MYOCD: variants seen among roughly 807,000 people sequenced by gnomAD.
MYOCD encodes the protein myocardin.
In MYOCD, 32 loss-of-function variants were observed where a neutral mutation model predicts 96.1. The ratio of observed to expected loss-of-function variants is 0.33; its 90% CI spans 0.25 to 0.45. The LOEUF is 0.45. MYOCD is among the 20% of genes least tolerant of loss of function. MYOCD has a pLI of 1.00. For synonymous variants in MYOCD, 469 were observed against 469.0 expected, an observed-to-expected ratio of 1.00 and a Z score of 0.00; for missense variants, 1,133 against 1,200.6, an observed-to-expected ratio of 0.94 and a Z score of 0.83.
Position 12,756,432 on chromosome 17 carries a change from G to A in MYOCD, c.2077G>A (p.Gly693Ser). The A allele has an allele frequency of 6.4e-7, 1 of 1,552,078 alleles. No homozygotes were observed. The highest frequency in any genetic ancestry group is 1.2e-5 in the South Asian group (1 of 84,048). Residue 693 changes from glycine to serine, a missense_variant, in exon 11 of 14, where the codon GGC (glycine) becomes AGC (serine). Transcript: ENST00000425538. Reference sequence around the variant, plus strand: ...TTTGCAGAACTCAGGAGCACACGATGGCCATCCTCCAAGCTTCTCTCCCCA... The same window carrying A: ...TTTGCAGAACTCAGGAGCACACGATAGCCATCCTCCAAGCTTCTCTCCCCA... ...CTAQNSGAHD[G>S]HPPSFSPHSS...
At chr17:12,721,224 C>G (rs2031829308) in intron 4 of MYOCD, among the ~76,000 whole-genome samples, 1 of 151,972 alleles carries the variant, frequency 6.6e-6, no homozygotes, top group South Asian at 2.1e-4. Context: ...GTGAACTGCA[C>G]CAACCCCCAG....
chr17:12,682,152 A>T (rs1016149412), intron 1 of MYOCD, among the ~76,000 whole-genome samples: 4 of 152,140 alleles, frequency 2.6e-5, no homozygotes, highest in Non-Finnish European at 5.9e-5. Flanking sequence ...GGGAAATTCG[A>T]TGCTTCTGTA....
intron 2 of MYOCD, 34 bp from the exon 3 acceptor site, chr17:12,715,485 A>G (rs1567584083): frequency 6.2e-7 from 1 of 1,603,832 alleles, no homozygotes. Context: ...CCCTTAACCC[A>G]GCCTCCACTC....
chr17:12,707,736 A>G (rs1191688654), intron 2 of MYOCD, among the ~76,000 whole-genome samples: 1 of 151,802 alleles, frequency 6.6e-6, no homozygotes, highest in African/African-American at 2.4e-5. Context: ...TAAATAAGTA[A>G]ATAAAAATTA....
chr17:12,754,080 G>A (rs56972740), intron 10 of MYOCD, among the ~76,000 whole-genome samples: 34,528 of 151,092 alleles, frequency 0.23, 4,369 homozygotes, highest in South Asian at 0.33. Context: ...GTGTGTATGT[G>A]TGTGTGTGTG....
intron 4 of MYOCD, among the ~76,000 whole-genome samples, chr17:12,722,368 T>TTTA (rs941230036): frequency 5.6e-4 from 85 of 152,342 alleles, no homozygotes; most frequent in African/African-American, 2.0e-3. Context: ...ATTTTTTTTC[T>TTTA]TTCGCAACTG....
intron 2 of MYOCD, among the ~76,000 whole-genome samples, chr17:12,709,505 G>A (rs190295352): frequency 6.6e-6 from 1 of 152,320 alleles, no homozygotes; most frequent in Admixed American, 6.5e-5. Context: ...CAGACCAGGT[G>A]CATTTACAAT....
chr17:12,700,399 ATTTTTTTTTTTTTT>A (rs952565560), intron 1 of MYOCD, among the ~76,000 whole-genome samples: 2 of 76,892 alleles, frequency 2.6e-5, no homozygotes, highest in African/African-American at 1.2e-4. Context: ...CAATGGGAGA[ATTTTTTTTTTTTTT>A]TTTTTTTTTT....
rs575453849 is a variant in MYOCD, at chr17:12,749,502, C to A, written c.1126-2912C>A. Among the ~76,000 whole-genome samples, 105 of 150,014 alleles carry A rather than the reference C, an allele frequency of 7.0e-4. 1 individual carries two copies. Among genetic ancestry groups the A allele is most frequent in the Non-Finnish European group, 9.7e-4 (66 of 67,780 alleles). ...TGAGATCGCACCACTACACTCCAGC[C>A]TGGGTGACAGAGCGAGACTCTGTCT... On this transcript the variant is annotated intron_variant, in intron 9 of 13. Coordinates refer to ENST00000425538, the MANE Select transcript of MYOCD (RefSeq NM_001146312.3).
At chr17:12,705,487 A>G (rs1039201830) in intron 2 of MYOCD, 2 of 253,562 alleles carry the variant, frequency 7.9e-6, no homozygotes, top group African/African-American at 4.4e-5. Flanking sequence ...TACTTTTAAA[A>G]TTGGATATAA....
In MYOCD at chr17:12,666,024, T is replaced by C. The variant is rs1309131889; in HGVS notation, c.-165T>C. 1 of 554,202 alleles carries C rather than the reference T, an allele frequency of 1.8e-6. No individual in the cohort carries two copies. Among genetic ancestry groups the C allele is most frequent in the Non-Finnish European group, 3.2e-6 (1 of 310,700 alleles). The allele number at this position is 554,202 out of a possible 1,614,324, so 34.3% of individuals were successfully genotyped here. On this transcript the variant is annotated 5_prime_UTR_variant, in exon 1 of 14. Coordinates refer to ENST00000425538, the MANE Select transcript of MYOCD (RefSeq NM_001146312.3). The stretch of plus-strand genomic sequence containing the variant: ...GCACGGCGAGGGGGGAGGCGCCAGT[T>C]TTCTGGGGACACTGGCTGCCACTGT...
Position 12,756,571 on chromosome 17 carries a change from A to G in MYOCD, c.2202+14A>G. 5 of 1,546,960 alleles carry G rather than the reference A, an allele frequency of 3.2e-6. No individual in the cohort carries two copies. The highest frequency in any genetic ancestry group is 4.4e-6 in the Non-Finnish European group (5 of 1,143,958). ...GTACAGCAAAAGGTAGGCACCTGAA[A>G]AAAGGCCTCAACCTGGGATTCACTT... On this transcript the variant is annotated intron_variant, in intron 11 of 13. Transcript: ENST00000425538.
At chr17:12,703,674 T>C (rs1002411377) in intron 1 of MYOCD, among the ~76,000 whole-genome samples, 1 of 152,148 alleles carries the variant, frequency 6.6e-6, no homozygotes, top group Non-Finnish European at 1.5e-5. Context: ...GTTAGACTTT[T>C]AGATATTGTC....
At chr17:12,745,216 T>C (rs2032626614) in intron 8 of MYOCD, among the ~76,000 whole-genome samples, 1 of 152,284 alleles carries the variant, frequency 6.6e-6, no homozygotes, top group East Asian at 1.9e-4. Flanking sequence ...TATTTATTCA[T>C]TTATTTTTTC....
Position 12,717,427 on chromosome 17 carries a change from G to C in MYOCD, c.253+6G>C, listed in dbSNP as rs376571806. On this transcript the variant is annotated splice_donor_region_variant and intron_variant, in intron 4 of 13. Transcript: ENST00000425538. ...TAATATGCACATACTCCAAGGTAAGGCTGCAAGAAATCAGACACCAAGAGA... is the reference window on the plus strand; with the variant it reads ...TAATATGCACATACTCCAAGGTAAGCCTGCAAGAAATCAGACACCAAGAGA... 50 of 1,612,202 alleles carry C rather than the reference G, an allele frequency of 3.1e-5. No individual in the cohort carries two copies. The highest frequency in any genetic ancestry group is 1.6e-4 in the Middle Eastern group (1 of 6,076).
At chr17:12,687,644 T>A (rs2030198115) in intron 1 of MYOCD, among the ~76,000 whole-genome samples, 2 of 152,228 alleles carry the variant, frequency 1.3e-5, no homozygotes, top group Non-Finnish European at 2.9e-5. Flanking sequence ...ATAAATTAAT[T>A]TATGTTCGAA....
chr17:12,680,805 C>A (rs1457281086), intron 1 of MYOCD, among the ~76,000 whole-genome samples: 2 of 152,154 alleles, frequency 1.3e-5, no homozygotes, highest in Admixed American at 6.5e-5. Flanking sequence ...AGGAAAAGTT[C>A]CCCGCGGCTG....
intron 9 of MYOCD, among the ~76,000 whole-genome samples, chr17:12,748,007 A>AC (rs2032717544): frequency 6.6e-6 from 1 of 151,954 alleles, no homozygotes; most frequent in African/African-American, 2.4e-5. Context: ...TACGAAAAAT[A>AC]TAAAAATTAG....
At chr17:12,695,383 A>G (rs1479113323) in intron 1 of MYOCD, among the ~76,000 whole-genome samples, 5 of 152,160 alleles carry the variant, frequency 3.3e-5, no homozygotes, top group Non-Finnish European at 2.9e-5. Context: ...TGACCTCTCA[A>G]ACTTCTTAAT....
Sources: allele counts gnomAD v4.1 joint callset (sites outside exome capture counted in the v4.1 genomes callset), GRCh38; gene constraint gnomAD v4.1.1; transcripts MANE v1.5; gene names NCBI Gene and HGNC (gene_info 2026-07-23, HGNC 2026-07-21).